The following FGF13 variants were observed in gnomAD, a reference collection of about 807,000 sequenced individuals.
The protein encoded by FGF13 is fibroblast growth factor 13.
A neutral mutation model predicts 19.5 loss-of-function variants in FGF13; 2 were observed. That is an observed-to-expected ratio of 0.10 (90% CI 0.04 to 0.32). FGF13 has a LOEUF of 0.32. FGF13 is among the 10% of genes least tolerant of loss of function. The pLI, the probability that FGF13 is intolerant of heterozygous loss-of-function variation, is 1.00. For synonymous variants in FGF13, 72 were observed against 76.9 expected (o/e 0.94, Z 0.33); for missense variants, 113 against 192.7 (o/e 0.59, Z 2.45).
rs1355293299 is a variant in FGF13, at chrX:138,989,819, C to T, written c.-112-125169G>A. On this transcript the variant is annotated intron_variant, in intron 1 of 2. Coordinates refer to the FGF13 transcript ENST00000421460. ...CCAGCCCAGAGTTATAAAACTACTT[C>T]GAAAAAGCACCAGGAAATAACCAAG... Among the ~76,000 whole-genome samples the T allele has an allele frequency of 5.4e-5, 6 of 110,313 alleles. No homozygotes were observed. In the Admixed American group the frequency reaches 5.8e-4, roughly 11 times the overall value.
intron 1 of FGF13, among the ~76,000 whole-genome samples, chrX:138,885,729 CG>C (rs1174701381): frequency 1.8e-5 from 2 of 108,730 alleles, no homozygotes; most frequent in Admixed American, 1.0e-4. Flanking sequence ...CCACCCATTA[CG>C]GCCCCTCTTG....
chrX:139,031,923 C>T (rs1404445260), intron 1 of FGF13, among the ~76,000 whole-genome samples: 1 of 110,205 alleles, frequency 9.1e-6, no homozygotes, highest in Non-Finnish European at 1.9e-5. Flanking sequence ...AAGACAGCTC[C>T]AAAAACTTTA....
At chrX:138,644,627 T>G (rs780021624) in intron 3 of FGF13, among the ~76,000 whole-genome samples, 71 of 111,775 alleles carry the variant, frequency 6.4e-4, no homozygotes, top group African/African-American at 2.2e-3. Flanking sequence ...ATAGCAGCTC[T>G]GTTACATTTG....
intron 1 of FGF13, among the ~76,000 whole-genome samples, chrX:139,023,726 T>G (rs1472319393): frequency 9.0e-6 from 1 of 111,277 alleles, no homozygotes; most frequent in Non-Finnish European, 1.9e-5. Context: ...AGAAGATTAT[T>G]GATGACGTCA....
intron 3 of FGF13, among the ~76,000 whole-genome samples, chrX:138,823,178 G>A (rs1057007904): frequency 9.1e-6 from 1 of 110,440 alleles, no homozygotes; most frequent in Non-Finnish European, 1.9e-5. Flanking sequence ...GATGATAGAG[G>A]GTTGAGATAC....
intron 1 of FGF13, among the ~76,000 whole-genome samples, chrX:139,070,226 T>C (rs927712152): frequency 1.8e-5 from 2 of 111,201 alleles, no homozygotes; most frequent in Admixed American, 9.6e-5. Flanking sequence ...TTGCAATCTA[T>C]CCATCTGACA....
chrX:138,955,945 GACCA>G (rs1445794255), intron 1 of FGF13, among the ~76,000 whole-genome samples: 2 of 112,186 alleles, frequency 1.8e-5, no homozygotes, highest in African/African-American at 6.5e-5. Context: ...AAGAAAGAGA[GACCA>G]GGAAAGACTA....
intron 1 of FGF13, among the ~76,000 whole-genome samples, chrX:139,078,105 T>C (rs1038865580): frequency 9.0e-6 from 1 of 110,815 alleles, no homozygotes; most frequent in East Asian, 2.9e-4. Context: ...ATATGCCTAC[T>C]TGAGTCAGAA....
chrX:139,139,788 C>T (rs2083828687), intron 1 of FGF13, among the ~76,000 whole-genome samples: 2 of 111,577 alleles, frequency 1.8e-5, no homozygotes, highest in Non-Finnish European at 3.8e-5. Context: ...AAGAGAAAAA[C>T]ACAGAGAAGG....
intron 3 of FGF13, among the ~76,000 whole-genome samples, chrX:138,844,660 C>G (rs903792688): frequency 9.0e-6 from 1 of 111,712 alleles, no homozygotes; most frequent in Non-Finnish European, 1.9e-5. Flanking sequence ...TCCTTGGCTT[C>G]CTTAGACCTC....
chrX:138,765,858 C>A (rs907086889), intron 3 of FGF13, among the ~76,000 whole-genome samples: 2 of 111,664 alleles, frequency 1.8e-5, no homozygotes, highest in African/African-American at 3.3e-5. Context: ...TCTTACTGGG[C>A]CTGTTTCAGT....
intron 1 of FGF13, among the ~76,000 whole-genome samples, chrX:138,868,806 A>C (rs1490851109): frequency 9.0e-6 from 1 of 110,590 alleles, no homozygotes; most frequent in Non-Finnish European, 1.9e-5. Flanking sequence ...TTGGAAACCT[A>C]ATCTCTGATC....
chrX:138,877,312 C>A (rs2091396359), intron 1 of FGF13, among the ~76,000 whole-genome samples: 1 of 110,961 alleles, frequency 9.0e-6, no homozygotes, highest in Admixed American at 9.5e-5. Flanking sequence ...ATAGAAGGGA[C>A]ACATTTGTGA....
chrX:139,022,668 C>T (rs1441579587), intron 1 of FGF13, among the ~76,000 whole-genome samples: 2 of 110,827 alleles, frequency 1.8e-5, no homozygotes, highest in Non-Finnish European at 3.8e-5. Flanking sequence ...ATGTACCCAC[C>T]AAGGATAGCA....
chrX:139,182,925 G>A (rs1047704120), intron 1 of FGF13, among the ~76,000 whole-genome samples: 3 of 111,279 alleles, frequency 2.7e-5, no homozygotes, highest in East Asian at 2.8e-4. Context: ...TCACTGTAGC[G>A]TTTCACAAAA....
At chrX:139,175,752 A>G (rs1363876339) in intron 1 of FGF13, among the ~76,000 whole-genome samples, 2 of 111,886 alleles carry the variant, frequency 1.8e-5, no homozygotes, top group Non-Finnish European at 3.8e-5. Flanking sequence ...GATGAAGCCC[A>G]CTTGATTGTA....
intron 1 of FGF13, among the ~76,000 whole-genome samples, chrX:139,130,759 T>G (rs192860252): frequency 8.9e-6 from 1 of 112,235 alleles, no homozygotes. Flanking sequence ...CTTTTCCCCA[T>G]GAAATAGTGT....
intron 3 of FGF13, among the ~76,000 whole-genome samples, chrX:138,751,153 T>C (rs183092890): frequency 4.1e-4 from 45 of 111,079 alleles, no homozygotes; most frequent in African/African-American, 1.4e-3. Context: ...TTGGTGAAAG[T>C]GGTGGAGACA....
chrX:138,751,271 C>T (rs1228185254), intron 3 of FGF13, among the ~76,000 whole-genome samples: 3 of 111,271 alleles, frequency 2.7e-5, no homozygotes, highest in African/African-American at 9.8e-5. Context: ...GCACTATACG[C>T]CAGACTAGCA....
Sources: gnomAD v4.1 joint callset for allele counts (sites outside exome capture counted in the v4.1 genomes callset) on GRCh38, gnomAD v4.1.1 for gene constraint, MANE v1.5 for transcripts, NCBI Gene and HGNC (gene_info 2026-07-23, HGNC 2026-07-21) for gene names.